FAM184B: variants seen among roughly 807,000 people sequenced by gnomAD.
The protein encoded by FAM184B is family with sequence similarity 184 member B.
Under a neutral mutation model 135.9 loss-of-function variants are expected in FAM184B, and 111 were observed. The ratio of observed to expected loss-of-function variants is 0.82; its 90% CI spans 0.70 to 0.96. The LOEUF (loss-of-function observed/expected upper bound fraction) is 0.96. Among genes scored for constraint, FAM184B ranks in the 40% least tolerant of loss-of-function variants. The probability of loss-of-function intolerance (pLI) is 0.00; values close to 1 mark genes in which losing one functional copy is unlikely to be tolerated. For synonymous variants in FAM184B, 552 were observed against 524.8 expected, an observed-to-expected ratio of 1.05 and a Z score of -0.71; for missense variants, 1,375 against 1,323.9, an observed-to-expected ratio of 1.04 and a Z score of -0.60.
At chr4:17,634,894 T>TC (rs376247796) in intron 16 of FAM184B, 115 bp downstream of exon 16, 11 of 665,706 alleles carry the variant, frequency 1.7e-5, no homozygotes, top group Non-Finnish European at 2.5e-5. Flanking sequence ...GTTTTTTTTT[T>TC]CCAATGAATA....
chr4:17,733,379 G>T (rs1717832306), intron 1 of FAM184B, among the ~76,000 whole-genome samples: 1 of 152,200 alleles, frequency 6.6e-6, no homozygotes, highest in Admixed American at 6.5e-5. Context: ...ATTAGGAAAA[G>T]AGGAAGTCAA....
chr4:17,667,562 G>T (rs11727312), intron 7 of FAM184B, among the ~76,000 whole-genome samples: 4 of 151,964 alleles, frequency 2.6e-5, no homozygotes, highest in African/African-American at 9.7e-5. Context: ...ACCTGTCCTG[G>T]GGCACTCCAA....
intron 7 of FAM184B, among the ~76,000 whole-genome samples, chr4:17,676,352 C>T (rs926043577): frequency 5.3e-5 from 8 of 152,016 alleles, no homozygotes; most frequent in African/African-American, 1.9e-4. Context: ...GTTTGTGGTG[C>T]CCCAAAACAA....
rs1411435602 is a variant in FAM184B at position 17,652,920 on chromosome 4, G to A, written c.2101C>T (p.Arg701Ter). The A allele has an allele frequency of 5.0e-5, 78 of 1,551,584 alleles. No homozygotes were observed. The East Asian group carries it at 1.3e-3, about 27-fold the overall frequency. ...TCCTCCAAGGCCTGGAGCTCCAGTC[G>A]GTGTGTCTGGTGTTGGATCTGGAGG... ...HSLQIQHQTH[R>*]LELQALEEKA... is the part of the protein sequence containing the mutation. The change falls in exon 11 of 18, where the codon CGA becomes TGA. Residue 701 changes from arginine (R) to a stop codon, truncating the protein, a stop_gained. Coordinates refer to ENST00000265018, the MANE Select transcript of FAM184B (RefSeq NM_015688.2). LOFTEE classifies it high-confidence loss of function.
intron 1 of FAM184B, among the ~76,000 whole-genome samples, chr4:17,766,110 T>C (rs6818661): frequency 0.097 from 14,824 of 152,204 alleles, 2,370 homozygotes; most frequent in African/African-American, 0.34. Context: ...AGAGCAAGAT[T>C]GGGAAGGTAA....
At position 17,658,408 on chromosome 4, in the gene FAM184B, T is replaced by A; in HGVS notation, c.1979A>T (p.Glu660Val). The A allele has an allele frequency of 6.4e-7, 1 of 1,551,630 alleles. No individual in the cohort carries two copies. The highest frequency in any genetic ancestry group is 1.4e-5 in the African/African-American group (1 of 73,140). Residue 660 changes from glutamate to valine, a missense_variant, in exon 10 of 18, where the codon GAG becomes GTG. Physicochemically the swap from Glu to Val is moderately radical, Grantham distance 121 (BLOSUM62 -2). Transcript: ENST00000265018. Reference protein sequence around the residue: ...QQNHAMKAQLEASHQRALRML... With the variant: ...QQNHAMKAQLVASHQRALRML... The stretch of plus-strand genomic sequence containing the variant: ...GCGCAGGGCTCTCTGGTGGGAAGCC[T>A]CGAGCTGGGCTTTCATGGCGTGGTT...
At chr4:17,716,207 C>G (rs938539040) in intron 1 of FAM184B, among the ~76,000 whole-genome samples, 1 of 152,172 alleles carries the variant, frequency 6.6e-6, no homozygotes, top group Non-Finnish European at 1.5e-5. Context: ...ACTGACCATG[C>G]AAGGGCACTC....
intron 7 of FAM184B, among the ~76,000 whole-genome samples, chr4:17,667,983 A>C (rs1340457748): frequency 6.6e-6 from 1 of 152,140 alleles, no homozygotes; most frequent in African/African-American, 2.4e-5. Flanking sequence ...GCCAGGCCTG[A>C]AGCTCCTCCC....
In FAM184B at chr4:17,652,851, C is replaced by T; in HGVS notation, c.2170G>A (p.Ala724Thr). The T allele has an allele frequency of 6.4e-7, 1 of 1,551,498 alleles. No individual in the cohort carries two copies. The highest frequency in any genetic ancestry group is 1.4e-5 in the African/African-American group (1 of 73,174). Reference protein sequence around the residue: ...ELQEERERMQAQQALLLESLR... With the variant: ...ELQEERERMQTQQALLLESLR... ...ATACCTAGCAGCAGGGCCTGCTGTG[C>T]CTGCATCCTCTCACGCTCCTCCTGC... Residue 724 changes from alanine (A) to threonine (T), a missense_variant, in exon 11 of 18, where the codon GCA (alanine) becomes ACA (threonine). Physicochemically the swap from Ala to Thr is moderately conservative, Grantham distance 58. Coordinates refer to ENST00000265018, the MANE Select transcript of FAM184B (RefSeq NM_015688.2).
chr4:17,775,053 G>C (rs1718897618), intron 1 of FAM184B, among the ~76,000 whole-genome samples: 1 of 135,846 alleles, frequency 7.4e-6, no homozygotes, highest in South Asian at 2.3e-4. Flanking sequence ...CTGGAGTGCA[G>C]TGGTATGATC....
chr4:17,717,556 C>A (rs1007180540), intron 1 of FAM184B, among the ~76,000 whole-genome samples: 8 of 152,124 alleles, frequency 5.3e-5, no homozygotes, highest in African/African-American at 1.9e-4. Flanking sequence ...CATCAAGGCA[C>A]ATAAATAATT....
chr4:17,653,930 G>GAGAGAGAGAGGGAGA (rs1402544369), intron 10 of FAM184B, among the ~76,000 whole-genome samples: 1 of 135,778 alleles, frequency 7.4e-6, no homozygotes, highest in African/African-American at 2.7e-5. Context: ...GGGAGGGGGA[G>GAGAGAGAGAGGGAGA]GGGGATTTGA....
chr4:17,710,302 C>G (rs148182617), intron 1 of FAM184B, among the ~76,000 whole-genome samples: 1 of 150,098 alleles, frequency 6.7e-6, no homozygotes, highest in Non-Finnish European at 1.5e-5. Context: ...CCAGCCTGGG[C>G]AAAAAAGAGT....
chr4:17,667,086 G>A (rs940118553), intron 7 of FAM184B, among the ~76,000 whole-genome samples: 4 of 151,920 alleles, frequency 2.6e-5, no homozygotes, highest in African/African-American at 9.7e-5. Flanking sequence ...AGCCTCCTGA[G>A]TAGCTGGGAC....
At chr4:17,690,462 G>A (rs546198176) in intron 6 of FAM184B, among the ~76,000 whole-genome samples, 69 of 152,250 alleles carry the variant, frequency 4.5e-4, no homozygotes, top group African/African-American at 1.6e-3. Flanking sequence ...AGGGAGGAGT[G>A]GGGCTTTGAG....
intron 1 of FAM184B, among the ~76,000 whole-genome samples, chr4:17,746,978 C>T (rs567732597): frequency 9.5e-4 from 139 of 146,828 alleles, no homozygotes; most frequent in African/African-American, 3.3e-3. Flanking sequence ...GTGGAGTTTG[C>T]AGTGAGCTGA....
At chr4:17,727,012 A>G (rs763900488) in intron 1 of FAM184B, among the ~76,000 whole-genome samples, 26 of 152,186 alleles carry the variant, frequency 1.7e-4, no homozygotes, top group Non-Finnish European at 2.9e-4. Flanking sequence ...AGACTGAGTC[A>G]GGGTACCTGC....
intron 1 of FAM184B, among the ~76,000 whole-genome samples, chr4:17,716,377 C>G (rs535147429): frequency 1.1e-4 from 17 of 152,142 alleles, no homozygotes; most frequent in Non-Finnish European, 1.8e-4. Flanking sequence ...GACAGGGTCT[C>G]TATGTCCCAG....
At chr4:17,696,600 C>T (rs1254476243) in intron 5 of FAM184B, among the ~76,000 whole-genome samples, 1 of 152,116 alleles carries the variant, frequency 6.6e-6, no homozygotes, top group Admixed American at 6.6e-5. Context: ...TTGTTTGAAG[C>T]CAGGAGTTTG....
Sources: gnomAD v4.1 joint callset for allele counts (sites outside exome capture counted in the v4.1 genomes callset) on GRCh38, gnomAD v4.1.1 for gene constraint, MANE v1.5 for transcripts, NCBI Gene and HGNC (gene_info 2026-07-23, HGNC 2026-07-21) for gene names.